COL23A1: variants seen among roughly 807,000 people sequenced by gnomAD.
COL23A1 encodes collagen type XXIII alpha 1 chain, also known as collagen alpha-1(XXIII) chain.
Under a neutral mutation model 99.3 loss-of-function variants are expected in COL23A1, and 97 were observed. The observed-to-expected ratio is 0.98, with a 90% CI of 0.83 to 1.16. The LOEUF is 1.16. COL23A1 is among the 50% of genes most tolerant of loss of function. The pLI, the probability that COL23A1 is intolerant of heterozygous loss-of-function variation, is 0.00. For synonymous variants in COL23A1, 320 were observed against 308.2 expected, an observed-to-expected ratio of 1.04 and a Z score of -0.40; for missense variants, 762 against 757.4, an observed-to-expected ratio of 1.01 and a Z score of -0.07.
At chr5:178,492,296 A>G (rs1411343778) in intron 2 of COL23A1, among the ~76,000 whole-genome samples, 1 of 152,148 alleles carries the variant, frequency 6.6e-6, no homozygotes, top group Non-Finnish European at 1.5e-5. Context: ...GAGGGAGTTC[A>G]GGTCAAAGGA....
intron 26 of COL23A1, 96 bp from the exon 27 acceptor site, chr5:178,242,224 CT>C (rs1703307056): frequency 6.8e-7 from 1 of 1,462,854 alleles, no homozygotes; most frequent in Non-Finnish European, 9.4e-7. Context: ...CAGCCTCCCC[CT>C]GCCTCCGCCC....
chr5:178,385,075 A>G (rs1280821532), intron 2 of COL23A1, among the ~76,000 whole-genome samples: 1 of 152,074 alleles, frequency 6.6e-6, no homozygotes, highest in Non-Finnish European at 1.5e-5. Context: ...GGCTGGACTC[A>G]TGTTGTCACA....
intron 3 of COL23A1, among the ~76,000 whole-genome samples, chr5:178,297,291 C>G (rs370628696): frequency 1.3e-5 from 2 of 152,222 alleles, no homozygotes. Flanking sequence ...GAGGCCGAGG[C>G]GGGTGGATCA....
intron 2 of COL23A1, among the ~76,000 whole-genome samples, chr5:178,386,101 C>T (rs184380755): frequency 1.1e-4 from 17 of 152,062 alleles, no homozygotes; most frequent in African/African-American, 2.9e-4. Flanking sequence ...GTATCCAACC[C>T]GGGCTTCGTG....
intron 2 of COL23A1, among the ~76,000 whole-genome samples, chr5:178,548,242 C>T (rs1324318341): frequency 1.3e-5 from 2 of 151,646 alleles, no homozygotes; most frequent in South Asian, 2.1e-4. Context: ...ATGCCCACTC[C>T]GGCCGGGCCC....
chr5:178,470,559 A>G (rs1186892555), intron 2 of COL23A1, among the ~76,000 whole-genome samples: 1 of 152,142 alleles, frequency 6.6e-6, no homozygotes, highest in African/African-American at 2.4e-5. Context: ...ATCTAAGCTC[A>G]TTAACAGGCC....
intron 2 of COL23A1, among the ~76,000 whole-genome samples, chr5:178,540,202 A>G (rs922443320): frequency 6.6e-5 from 10 of 152,222 alleles, no homozygotes; most frequent in Non-Finnish European, 1.3e-4. Flanking sequence ...AACAAAAGGC[A>G]TAAGAATTGG....
chr5:178,544,099 A>G lies in COL23A1; in HGVS notation c.361+16583T>C, dbSNP rs1196483038. On this transcript the variant is annotated intron_variant, in intron 2 of 28. Coordinates refer to ENST00000390654, the MANE Select transcript of COL23A1 (RefSeq NM_173465.4). The surrounding 1 kb of genome is among the most constrained non-coding windows in gnomAD (Gnocchi z 4.4). Reference sequence around the variant, plus strand: ...TCAACATATGACTTTGGGACACAAGATTCAGTCCACAGCATAATCTCCGGG... The same window carrying G: ...TCAACATATGACTTTGGGACACAAGGTTCAGTCCACAGCATAATCTCCGGG... Among the ~76,000 whole-genome samples the G allele has an allele frequency of 6.6e-6, 1 of 152,114 alleles. No homozygotes were observed. Among genetic ancestry groups the G allele is most frequent in the Non-Finnish European group, 1.5e-5 (1 of 68,000 alleles).
intron 1 of COL23A1, among the ~76,000 whole-genome samples, chr5:178,566,321 T>G (rs1482666786): frequency 6.6e-6 from 1 of 152,014 alleles, no homozygotes; most frequent in Non-Finnish European, 1.5e-5. Flanking sequence ...GATTATGCAT[T>G]TGTCAAAAAC....
At position 178,551,661 on chromosome 5, in the gene COL23A1, C is replaced by T. The variant is rs116318584; in HGVS notation, c.361+9021G>A. On this transcript the variant is annotated intron_variant, in intron 2 of 28. Transcript: ENST00000390654. ...CCGGCTATCAATTCTCATGGCCATT[C>T]GACAGGGCGTTATCAACCCTCCTCC... Among the ~76,000 whole-genome samples the T allele has an allele frequency of 4.4e-3, 677 of 152,256 alleles. 5 individuals carry two copies. The highest frequency in any genetic ancestry group is 0.016 in the African/African-American group (653 of 41,532).
chr5:178,321,588 C>A (rs1457009326), intron 2 of COL23A1, among the ~76,000 whole-genome samples: 2 of 144,786 alleles, frequency 1.4e-5, no homozygotes, highest in Non-Finnish European at 3.0e-5. Flanking sequence ...CTCCCAGGTT[C>A]ACGCCATTCT....
intron 2 of COL23A1, chr5:178,378,026 T>G (rs1444082751): frequency 6.6e-6 from 1 of 152,154 alleles, no homozygotes; most frequent in African/African-American, 2.4e-5. Context: ...CAATGCTGAC[T>G]GAGTGTGCAC....
rs1172110812 is a variant in COL23A1 at position 178,255,595 on chromosome 5, AG to A, written c.883-570del. 3.9e-5 allele frequency among the ~76,000 whole-genome samples: 6 copies of A among 152,048 alleles called. No individual in the cohort carries two copies. Among genetic ancestry groups the A allele is most frequent in the African/African-American group, 1.4e-4 (6 of 41,414 alleles). The stretch of plus-strand genomic sequence containing the variant: ...CCTTGTGAACCTCACTTCCCCACCC[AG>A]GCTGCTCTTTGCTTGGGGTACAGTG... On this transcript the variant is annotated intron_variant, in intron 15 of 28. Transcript: ENST00000390654. This position sits in a 1 kb window ranked among gnomAD's most constrained non-coding sequence, Gnocchi z 4.2.
chr5:178,241,889 G>A (rs1764420389), intron 27 of COL23A1, among the ~76,000 whole-genome samples, 153 bp downstream of exon 27: 1 of 152,262 alleles, frequency 6.6e-6, no homozygotes, highest in African/African-American at 2.4e-5. Context: ...GATGGCAGTA[G>A]CAGCAGCAGT....
intron 12 of COL23A1, among the ~76,000 whole-genome samples, chr5:178,258,760 T>A (rs1050050665): frequency 3.3e-5 from 5 of 151,876 alleles, no homozygotes; most frequent in African/African-American, 1.2e-4. Flanking sequence ...AGTGGCACAA[T>A]CATAGCTTAC....
chr5:178,317,381 C>T (rs1282667778), intron 2 of COL23A1, among the ~76,000 whole-genome samples: 3 of 152,196 alleles, frequency 2.0e-5, no homozygotes, highest in Admixed American at 6.5e-5. Context: ...CATTAGAATT[C>T]CCTGAGTTGC....
Position 178,465,213 on chromosome 5 carries a change from C to A in COL23A1, c.361+95469G>T, listed in dbSNP as rs995833974. 1.4e-4 allele frequency among the ~76,000 whole-genome samples: 22 copies of A among 152,304 alleles called. 1 individual carries two copies. The East Asian group carries it at 2.7e-3, about 19-fold the overall frequency. Reference sequence around the variant, plus strand: ...CCATCAGAAAACAGGGGTCGGCCTTCCAGTTGTTAATCAGAACGCTGACAG... The same window carrying A: ...CCATCAGAAAACAGGGGTCGGCCTTACAGTTGTTAATCAGAACGCTGACAG... On this transcript the variant is annotated intron_variant, in intron 2 of 28. Coordinates refer to ENST00000390654, the MANE Select transcript of COL23A1 (RefSeq NM_173465.4).
intron 3 of COL23A1, among the ~76,000 whole-genome samples, chr5:178,293,120 C>T (rs951479640): frequency 2.6e-5 from 4 of 151,892 alleles, no homozygotes; most frequent in African/African-American, 9.7e-5. Context: ...AGGAAATGAA[C>T]AGTTGCTTTG....
chr5:178,387,981 GC>G lies in COL23A1; in HGVS notation c.362-81063del, dbSNP rs1176120706. Reference sequence around the variant, plus strand: ...AAGTGGGAGGAGATTGATGCAGAAAGCCCCCCGCCACCATGGCCACCGCCCA... The same window carrying G: ...AAGTGGGAGGAGATTGATGCAGAAAGCCCCCGCCACCATGGCCACCGCCCA... On this transcript the variant is annotated intron_variant, in intron 2 of 28. Transcript: ENST00000390654. The surrounding 1 kb of genome is among the most constrained non-coding windows in gnomAD (Gnocchi z 4.7). Among the ~76,000 whole-genome samples, 1 of 152,056 alleles carries G rather than the reference GC, an allele frequency of 6.6e-6. No homozygotes were observed. The highest frequency in any genetic ancestry group is 2.1e-4 in the South Asian group (1 of 4,816).
Sources: allele counts gnomAD v4.1 joint callset (sites outside exome capture counted in the v4.1 genomes callset), GRCh38; gene constraint gnomAD v4.1.1; non-coding constraint Gnocchi (gnomAD v3.1); transcripts MANE v1.5; gene names NCBI Gene and HGNC (gene_info 2026-07-23, HGNC 2026-07-21).